MAD1L1: variants seen among roughly 807,000 people sequenced by gnomAD.
MAD1L1 encodes the protein mitotic spindle assembly checkpoint protein MAD1.
MAD1L1 carries 95 observed loss-of-function variants against 96.9 expected under a neutral mutation model. The observed-to-expected ratio is 0.98, with a 90% CI of 0.83 to 1.16. MAD1L1 has a LOEUF of 1.16. Among genes scored for constraint, MAD1L1 ranks in the 50% most tolerant of loss-of-function variants. MAD1L1 has a pLI of 0.00. For synonymous variants in MAD1L1, 473 were observed against 396.6 expected, an observed-to-expected ratio of 1.19 and a Z score of -2.29; for missense variants, 1,007 against 954.4, an observed-to-expected ratio of 1.06 and a Z score of -0.73.
intron 17 of MAD1L1, among the ~76,000 whole-genome samples, chr7:1,931,590 G>A (rs61409925): frequency 0.16 from 24,669 of 152,120 alleles, 2,566 homozygotes; most frequent in South Asian, 0.23. Flanking sequence ...GGACTTGAGC[G>A]CTCGGACGTC....
At chr7:2,166,433 C>A (rs771047804) in intron 10 of MAD1L1, among the ~76,000 whole-genome samples, 1 of 152,144 alleles carries the variant, frequency 6.6e-6, no homozygotes. Context: ...CCAGGGATGC[C>A]AGAACATTCC....
chr7:2,037,389 T>C (rs1415333241), intron 12 of MAD1L1, among the ~76,000 whole-genome samples: 2 of 152,194 alleles, frequency 1.3e-5, no homozygotes, highest in African/African-American at 2.4e-5. Flanking sequence ...ACTACACAGA[T>C]ACTGTGCTTC....
At chr7:2,216,633 C>T (rs1793298079) in intron 7 of MAD1L1, among the ~76,000 whole-genome samples, 1 of 152,164 alleles carries the variant, frequency 6.6e-6, no homozygotes, top group South Asian at 2.1e-4. Context: ...CTGATGTGTC[C>T]AGGCAGGTTC....
At chr7:1,857,228 C>T (rs1051573357) in intron 18 of MAD1L1, among the ~76,000 whole-genome samples, 1 of 152,228 alleles carries the variant, frequency 6.6e-6, no homozygotes, top group African/African-American at 2.4e-5. Context: ...TCAGCAGCCC[C>T]ACCAGGAGGC....
chr7:2,205,746 T>C (rs1232890295), intron 10 of MAD1L1, among the ~76,000 whole-genome samples: 1 of 152,252 alleles, frequency 6.6e-6, no homozygotes, highest in African/African-American at 2.4e-5. Flanking sequence ...GTTGGGCGAT[T>C]ACAGTCTTAA....
intron 17 of MAD1L1, among the ~76,000 whole-genome samples, chr7:1,908,895 G>A (rs1248611493): frequency 6.6e-6 from 1 of 152,196 alleles, no homozygotes; most frequent in Non-Finnish European, 1.5e-5. Context: ...CCTCTCGTTA[G>A]ATGTCTCCCT....
chr7:1,876,323 C>A (rs1006001606), intron 18 of MAD1L1, among the ~76,000 whole-genome samples: 1 of 152,112 alleles, frequency 6.6e-6, no homozygotes, highest in Non-Finnish European at 1.5e-5. Context: ...CCGAGCCCCC[C>A]GTCTGGTCCA....
At chr7:2,207,605 T>C (rs1792666138) in intron 10 of MAD1L1, among the ~76,000 whole-genome samples, 2 of 152,142 alleles carry the variant, frequency 1.3e-5, no homozygotes, top group African/African-American at 2.4e-5. Flanking sequence ...GCTCCGCGCC[T>C]CTCCTCACAC....
In MAD1L1 at chr7:1,936,875, G is replaced by T; in HGVS notation, c.1619C>A (p.Thr540Asn). ...GTTCAGGCTCATGTGCAGCACTTTG[G>T]TCCTGCTCTGGTCATAGTCACCCTG... is the stretch of plus-strand genomic sequence containing the variant. The part of the protein sequence containing the change: ...ALQGDYDQSR[T>N]KVLHMSLNPT... The change falls in exon 17 of 19, where the codon ACC (threonine) becomes AAC (asparagine). Residue 540 changes from threonine (T) to asparagine (N), a missense_variant. By Grantham distance (65) the Thr-to-Asn change is moderately conservative (BLOSUM62 0). Coordinates refer to ENST00000265854, the MANE Select transcript of MAD1L1 (RefSeq NM_001013836.2). The T allele has an allele frequency of 6.2e-7, 1 of 1,602,290 alleles. No homozygotes were observed. The highest frequency in any genetic ancestry group is 8.5e-7 in the Non-Finnish European group (1 of 1,174,040).
intron 11 of MAD1L1, among the ~76,000 whole-genome samples, chr7:2,137,853 C>T (rs1294810718): frequency 1.3e-5 from 2 of 152,164 alleles, no homozygotes; most frequent in Admixed American, 6.5e-5. Flanking sequence ...AGGAGGTGGA[C>T]GTATGGGGCA....
At chr7:2,228,946 G>A (rs1466159462) in intron 3 of MAD1L1, among the ~76,000 whole-genome samples, 1 of 151,852 alleles carries the variant, frequency 6.6e-6, no homozygotes, top group Non-Finnish European at 1.5e-5. Flanking sequence ...TGTTAGCCAG[G>A]ATGATCTTGA....
At chr7:2,037,291 G>T (rs553973036) in intron 12 of MAD1L1, among the ~76,000 whole-genome samples, 1 of 151,198 alleles carries the variant, frequency 6.6e-6, no homozygotes, top group African/African-American at 2.4e-5. Context: ...CCACACCCAG[G>T]TGCCCCACTG....
At chr7:1,941,439 C>A (rs1778993041) in intron 16 of MAD1L1, among the ~76,000 whole-genome samples, 1 of 152,344 alleles carries the variant, frequency 6.6e-6, no homozygotes, top group African/African-American at 2.4e-5. Context: ...ATGAAGGAAA[C>A]CAAATCAAAA....
At chr7:1,900,829 C>T (rs755806595) in intron 17 of MAD1L1, among the ~76,000 whole-genome samples, 4 of 152,176 alleles carry the variant, frequency 2.6e-5, no homozygotes, top group East Asian at 1.9e-4. Context: ...CTGCCTGTGC[C>T]GCTCACAGAC....
chr7:1,835,958 T>TC (rs1283354802), intron 18 of MAD1L1, among the ~76,000 whole-genome samples: 2 of 152,192 alleles, frequency 1.3e-5, no homozygotes, highest in Non-Finnish European at 2.9e-5. Flanking sequence ...GGTGGGAGTG[T>TC]CGTGTCATAT....
intron 12 of MAD1L1, 58 bp from the exon 13 acceptor site, chr7:2,014,700 A>C: frequency 6.5e-7 from 1 of 1,536,674 alleles, no homozygotes; most frequent in Non-Finnish European, 8.8e-7. Flanking sequence ...GTAATGATGG[A>C]GACGGCTCAG....
At chr7:1,922,511 C>T (rs191954928) in intron 17 of MAD1L1, among the ~76,000 whole-genome samples, 1 of 152,336 alleles carries the variant, frequency 6.6e-6, no homozygotes, top group Admixed American at 6.5e-5. Flanking sequence ...ATACAAGAGC[C>T]ACACACAGAA....
In MAD1L1 at chr7:2,014,535, C is replaced by T; in HGVS notation, c.1326G>A (p.Val442=). 1 of 1,608,734 alleles carries T rather than the reference C, an allele frequency of 6.2e-7. No homozygotes were observed. The highest frequency in any genetic ancestry group is 1.7e-5 in the Admixed American group (1 of 59,916). ...TRRMREAEDM[V]QKVHSHSAEM... ...CGGCGCTGTGGCTGTGCACCTTCTG[C>T]ACCATATCCTCAGCCTCCCGCATGC... The change falls in exon 13 of 19, where the codon GTG becomes GTA. Residue 442 remains valine (V), a synonymous_variant. Transcript: ENST00000265854.
intron 11 of MAD1L1, among the ~76,000 whole-genome samples, chr7:2,087,791 C>T (rs143590138): frequency 6.6e-6 from 1 of 152,290 alleles, no homozygotes; most frequent in East Asian, 1.9e-4. Flanking sequence ...AGAAAGCTAG[C>T]GCCAACTGTA....
Sources: allele counts gnomAD v4.1 joint callset (sites outside exome capture counted in the v4.1 genomes callset), GRCh38; gene constraint gnomAD v4.1.1; transcripts MANE v1.5; gene names NCBI Gene and HGNC (gene_info 2026-07-23, HGNC 2026-07-21).